N4BP2: variants seen among roughly 807,000 people sequenced by gnomAD.
N4BP2 encodes NEDD4-binding protein 2.
In N4BP2, 91 loss-of-function variants were observed where a neutral mutation model predicts 152.8. That is an observed-to-expected ratio of 0.60 (90% confidence interval 0.50 to 0.71). N4BP2 has a LOEUF of 0.71. N4BP2 is among the 30% of genes least tolerant of loss of function. The pLI is 0.00. For missense variants in N4BP2, 1,923 were observed against 2,059.1 expected, an observed-to-expected ratio of 0.93 and a Z score of 1.28; for synonymous variants, 646 against 705.3, an observed-to-expected ratio of 0.92 and a Z score of 1.33.
chr4:40,090,429 C>A (rs1003831205), intron 2 of N4BP2, among the ~76,000 whole-genome samples: 1 of 152,222 alleles, frequency 6.6e-6, no homozygotes, highest in East Asian at 1.9e-4. Flanking sequence ...CAGTTTTCAG[C>A]ATATTAAGTT....
the N4BP2 span, among the ~76,000 whole-genome samples, chr4:40,179,103 T>A: frequency 6.6e-6 from 1 of 152,266 alleles, no homozygotes; most frequent in African/African-American, 2.4e-5. Context: ...GCGCAGCAGC[T>A]CATGCCTGTA....
At chr4:40,147,752 G>A (rs1034873827) in intron 16 of N4BP2, among the ~76,000 whole-genome samples, 7 of 151,780 alleles carry the variant, frequency 4.6e-5, no homozygotes, top group African/African-American at 1.7e-4. Flanking sequence ...GCCGGGCGGA[G>A]GGGCTTCTCA....
At chr4:40,125,901 A>G (rs1435555352) in intron 11 of N4BP2, among the ~76,000 whole-genome samples, 6 of 150,354 alleles carry the variant, frequency 4.0e-5, no homozygotes, top group South Asian at 4.4e-4. Flanking sequence ...AAAAAAAAAA[A>G]AAAAATTATA....
intron 16 of N4BP2, among the ~76,000 whole-genome samples, chr4:40,151,426 C>T (rs1209561260): frequency 6.6e-6 from 1 of 152,140 alleles, no homozygotes; most frequent in Non-Finnish European, 1.5e-5. Context: ...TGCGCCTCGC[C>T]ATGCCCTGCT....
chr4:40,184,639 C>T, the N4BP2 span, among the ~76,000 whole-genome samples: 309 of 152,206 alleles, frequency 2.0e-3, 2 homozygotes, highest in African/African-American at 7.1e-3. Flanking sequence ...GCCTTTCAGA[C>T]GTGAAAAATT....
chr4:40,093,893 C>T (rs967154684), intron 2 of N4BP2, among the ~76,000 whole-genome samples: 1 of 152,070 alleles, frequency 6.6e-6, no homozygotes, highest in Non-Finnish European at 1.5e-5. Context: ...AGCCACCGCG[C>T]CCAGCTAATT....
chr4:40,088,163 C>T (rs569532675), intron 2 of N4BP2, among the ~76,000 whole-genome samples: 10 of 152,230 alleles, frequency 6.6e-5, no homozygotes, highest in African/African-American at 1.9e-4. Context: ...AATGGATGTA[C>T]CATAGTTTTT....
chr4:40,079,537 A>G (rs772893604), intron 2 of N4BP2, among the ~76,000 whole-genome samples: 3 of 151,688 alleles, frequency 2.0e-5, no homozygotes, highest in Non-Finnish European at 4.4e-5. Context: ...TTGCCATAAC[A>G]CTATTAGAGA....
Position 40,156,868 on chromosome 4 carries a change from C to G in N4BP2, c.*2631C>G, listed in dbSNP as rs139756456. On this transcript the variant is annotated 3_prime_UTR_variant, in exon 18 of 18. Coordinates refer to ENST00000261435, the MANE Select transcript of N4BP2 (RefSeq NM_018177.6). ...AACAAGTAAATATAATGCACATGTTCTAAAATATCCCCCCAAACCCCAGCA... is the reference window on the plus strand; with the variant it reads ...AACAAGTAAATATAATGCACATGTTGTAAAATATCCCCCCAAACCCCAGCA... The G allele has an allele frequency of 0.017, 2,613 of 152,204 alleles. 32 individuals are homozygous for G. Among genetic ancestry groups the G allele is most frequent in the South Asian group, 0.027 (128 of 4,824 alleles). 9.4% of individuals were successfully genotyped at this position (152,204 alleles called of 1,614,324 possible).
At position 40,155,208 on chromosome 4, in the gene N4BP2, A is replaced by C. The variant is rs1448698867; in HGVS notation, c.*971A>C. On this transcript the variant is annotated 3_prime_UTR_variant, in exon 18 of 18. Transcript: ENST00000261435. ...GAAGTTCAAGACCAGCCTGGCCAAC[A>C]TGGTGAATCCCCGTCTCTATTAAAA... The C allele has an allele frequency of 6.6e-6, 1 of 152,184 alleles. No individual in the cohort carries two copies. The highest frequency in any genetic ancestry group is 1.9e-4 in the East Asian group (1 of 5,200). The allele number at this position is 152,184 out of a possible 1,614,324, so 9.4% of individuals were successfully genotyped here.
In N4BP2 at chr4:40,154,779, A is replaced by G. The variant is rs1721459120; in HGVS notation, c.*542A>G. ...TGCCATATCCTACAGGAAGGAAGAC[A>G]TGCTTTTGCCCTTTCTTCTGCTTTG... On this transcript the variant is annotated 3_prime_UTR_variant, in exon 18 of 18. Transcript: ENST00000261435. The G allele has an allele frequency of 6.5e-6, 1 of 152,790 alleles. No homozygotes were observed. Among genetic ancestry groups the G allele is most frequent in the African/African-American group, 2.4e-5 (1 of 41,480 alleles). 9.5% of individuals were successfully genotyped at this position (152,790 alleles called of 1,614,324 possible).
At position 40,097,261 on chromosome 4, in the gene N4BP2, C is replaced by A. The variant is rs1347625001; in HGVS notation, c.-80C>A. On this transcript the variant is annotated 5_prime_UTR_variant, in exon 3 of 18. Coordinates refer to ENST00000261435, the MANE Select transcript of N4BP2 (RefSeq NM_018177.6). Reference sequence around the variant, plus strand: ...CTGCTGGATTGTGCAAGATATTTAACCCTATTTTGTTTGAATTATGACTTA... The same window carrying A: ...CTGCTGGATTGTGCAAGATATTTAAACCTATTTTGTTTGAATTATGACTTA... 1.1e-5 allele frequency: 13 copies of A among 1,148,052 alleles called. No homozygotes were observed. The East Asian group carries it at 1.2e-4, about 10-fold the overall frequency. 71.1% of individuals were successfully genotyped at this position (1,148,052 alleles called of 1,614,324 possible).
intron 2 of N4BP2, among the ~76,000 whole-genome samples, chr4:40,078,268 G>T (rs1387531886): frequency 6.6e-6 from 1 of 151,804 alleles, no homozygotes; most frequent in Non-Finnish European, 1.5e-5. Context: ...GTCCTGAGTA[G>T]CCGGGACTAC....
At chr4:40,182,541 C>T in the N4BP2 span, among the ~76,000 whole-genome samples, 7 of 152,104 alleles carry the variant, frequency 4.6e-5, no homozygotes, top group African/African-American at 1.7e-4. Flanking sequence ...GTCTCCACCT[C>T]CCAGGCTCAA....
Position 40,060,938 on chromosome 4 carries a change from C to T in N4BP2, c.-212+3908C>T, listed in dbSNP as rs182675575. On this transcript the variant is annotated intron_variant, in intron 1 of 17. Transcript: ENST00000261435. ...TAAACGTGGATTGTATGAGCATATC[C>T]TTTGATCATGTATTAGCTGCTTTTC... Among the ~76,000 whole-genome samples the T allele has an allele frequency of 1.6e-4, 25 of 152,180 alleles. No individual in the cohort carries two copies. In the East Asian group the frequency reaches 4.4e-3, roughly 27 times the overall value.
the N4BP2 span, among the ~76,000 whole-genome samples, chr4:40,178,810 AGCT>A: frequency 6.6e-6 from 1 of 152,238 alleles, no homozygotes; most frequent in Non-Finnish European, 1.5e-5. Flanking sequence ...TGCTTAGTGC[AGCT>A]GCTGTCGGAG....
intron 15 of N4BP2, 129 bp from the exon 16 acceptor site, chr4:40,144,503 G>T: frequency 2.9e-6 from 2 of 691,406 alleles, no homozygotes; most frequent in Non-Finnish European, 2.3e-6. Context: ...TAAACTCATT[G>T]CATTATTTAA....
the N4BP2 span, chr4:40,167,488 G>GATA: frequency 6.6e-6 from 1 of 152,202 alleles, no homozygotes; most frequent in African/African-American, 2.4e-5. Flanking sequence ...GTATCAGACA[G>GATA]TGGAATCATA....
chr4:40,178,173 C>A, the N4BP2 span, among the ~76,000 whole-genome samples: 1 of 151,562 alleles, frequency 6.6e-6, no homozygotes, highest in African/African-American at 2.4e-5. Context: ...AACAAACAAA[C>A]AAAGAACCCA....
Sources: gnomAD v4.1 joint callset for allele counts (sites outside exome capture counted in the v4.1 genomes callset) on GRCh38, gnomAD v4.1.1 for gene constraint, MANE v1.5 for transcripts, NCBI Gene and HGNC (gene_info 2026-07-23, HGNC 2026-07-21) for gene names.